Variants in PARVB observed in about 807,000 individuals in gnomAD.
PARVB encodes parvin beta.
In PARVB, 46 loss-of-function variants were observed where a neutral mutation model predicts 47.0. The observed-to-expected ratio is 0.98, with a 90% CI of 0.77 to 1.25. The LOEUF is 1.25. Ranked by LOEUF, PARVB falls within the 50% of genes most tolerant of loss-of-function variation. PARVB has a pLI of 0.00. For synonymous variants in PARVB, 196 were observed against 196.3 expected, an observed-to-expected ratio of 1.00 and a Z score of 0.01; for missense variants, 473 against 471.6, an observed-to-expected ratio of 1.00 and a Z score of -0.03.
chr22:44,077,088 T>C (rs562926055), intron 1 of PARVB, among the ~76,000 whole-genome samples: 1 of 152,318 alleles, frequency 6.6e-6, no homozygotes, highest in Non-Finnish European at 1.5e-5. Flanking sequence ...GGTGTGCTAG[T>C]GTCCTGGGGC....
chr22:44,006,160 G>T (rs1379319307), intron 2 of PARVB, among the ~76,000 whole-genome samples: 1 of 152,130 alleles, frequency 6.6e-6, no homozygotes, highest in Non-Finnish European at 1.5e-5. Flanking sequence ...TCCCAGGATG[G>T]TCTTGAACTT....
At chr22:44,031,322 T>C (rs1487651413) in intron 1 of PARVB, 1 of 152,248 alleles carries the variant, frequency 6.6e-6, no homozygotes, top group Non-Finnish European at 1.5e-5. Flanking sequence ...TACATTTCCT[T>C]TGATTATTAT....
chr22:44,123,902 CCCTGGCACAGTG>C (rs1255237862), intron 4 of PARVB, among the ~76,000 whole-genome samples: 1 of 152,220 alleles, frequency 6.6e-6, no homozygotes, highest in Non-Finnish European at 1.5e-5. Context: ...TGGATGGAGC[CCCTGGCACAGTG>C]CCTGGCACAG....
At chr22:44,112,946 G>C (rs1312110123) in intron 3 of PARVB, 1 of 89,334 alleles carries the variant, frequency 1.1e-5, no homozygotes, top group Non-Finnish European at 2.1e-5. Context: ...CACCAACACA[G>C]ATACGTTGTT....
chr22:44,100,738 C>G (rs2052423500), intron 3 of PARVB, among the ~76,000 whole-genome samples: 1 of 152,190 alleles, frequency 6.6e-6, no homozygotes, highest in African/African-American at 2.4e-5. Flanking sequence ...TGAGGCAGTG[C>G]TTGTGTGGGT....
chr22:44,071,200 G>C (rs1455445546), intron 1 of PARVB, among the ~76,000 whole-genome samples: 1 of 152,166 alleles, frequency 6.6e-6, no homozygotes. Context: ...GGTAGGAAAA[G>C]ACACCTGCTT....
intron 1 of PARVB, among the ~76,000 whole-genome samples, chr22:44,070,235 C>T (rs536500379): frequency 2.6e-4 from 40 of 152,170 alleles, no homozygotes; most frequent in Non-Finnish European, 4.3e-4. Flanking sequence ...CACCGCAGAT[C>T]GGAATGGGAG....
At position 44,168,818 on chromosome 22, in the gene PARVB, C is replaced by G. The variant is rs1241671290; in HGVS notation, c.*140C>G. On this transcript the variant is annotated 3_prime_UTR_variant, in exon 13 of 13. Transcript: ENST00000338758. ...ACTGTCATCCCCACCCCACCCCTAC[C>G]TCACGCCTGCCCCACCCCCTGCCTC... 1 of 615,586 alleles carries G rather than the reference C, an allele frequency of 1.6e-6. No individual in the cohort carries two copies. Among genetic ancestry groups the G allele is most frequent in the Non-Finnish European group, 2.9e-6 (1 of 340,276 alleles). The allele number at this position is 615,586 out of a possible 1,614,324, so 38.1% of individuals were successfully genotyped here.
rs753650169 is a variant in PARVB at position 44,089,782 on chromosome 22, G to A, written c.113-4146G>A. On this transcript the variant is annotated intron_variant, in intron 1 of 12. Transcript: ENST00000338758. This position sits in a 1 kb window ranked among gnomAD's most constrained non-coding sequence, Gnocchi z 4.0. ...TGCAAAATATAGCAAGGCCCAGAAG[G>A]GCATCCCTCAAACCTTCATGGGGTT... Among the ~76,000 whole-genome samples, 1 of 152,124 alleles carries A rather than the reference G, an allele frequency of 6.6e-6. No individual in the cohort carries two copies. Among genetic ancestry groups the A allele is most frequent in the Non-Finnish European group, 1.5e-5 (1 of 68,022 alleles).
intron 9 of PARVB, chr22:44,149,015 C>T (rs2053746641): frequency 6.6e-6 from 1 of 152,194 alleles, no homozygotes; most frequent in Non-Finnish European, 1.5e-5. Context: ...AGAACCGGTT[C>T]AGGGAATGAA....
intron 1 of PARVB, among the ~76,000 whole-genome samples, chr22:44,079,579 G>T (rs2051853542): frequency 6.6e-6 from 1 of 152,216 alleles, no homozygotes; most frequent in African/African-American, 2.4e-5. Context: ...AGCGGCTGCT[G>T]TGCTAAGCCA....
intron 2 of PARVB, among the ~76,000 whole-genome samples, chr22:44,008,415 A>G (rs974326795): frequency 6.6e-6 from 1 of 152,110 alleles, no homozygotes; most frequent in Admixed American, 6.6e-5. Flanking sequence ...CGGTCTAGAG[A>G]CAGGATTTTA....
upstream of PARVB, among the ~76,000 whole-genome samples, chr22:44,022,736 T>A (rs757052096): frequency 1.2e-4 from 16 of 134,308 alleles, no homozygotes; most frequent in Admixed American, 3.6e-4. Context: ...ACTTCTTTTT[T>A]TTTATTTTTT....
At chr22:44,148,304 C>T in intron 9 of PARVB, 1 of 313,952 alleles carries the variant, frequency 3.2e-6, no homozygotes, top group South Asian at 2.9e-5. Flanking sequence ...TGCGGCTGAG[C>T]TGTGCCATAC....
chr22:44,121,297 C>T (rs2147130814), intron 4 of PARVB, among the ~76,000 whole-genome samples: 1 of 152,270 alleles, frequency 6.6e-6, no homozygotes, highest in Middle Eastern at 3.4e-3. Context: ...CTACCATGCT[C>T]AGCCCTTCTT....
intron 8 of PARVB, chr22:44,147,586 A>G (rs1451578569): frequency 3.3e-6 from 2 of 610,802 alleles, no homozygotes; most frequent in Admixed American, 2.0e-5. Context: ...TATGTGTTTC[A>G]TATGAGAAGG....
intron 5 of PARVB, 114 bp downstream of exon 5, chr22:44,131,741 A>G (rs752423032): frequency 1.1e-4 from 133 of 1,218,548 alleles, no homozygotes; most frequent in Non-Finnish European, 1.5e-4. Context: ...CTTGCATCTT[A>G]AAATTGGGTT....
intron 1 of PARVB, among the ~76,000 whole-genome samples, chr22:44,053,282 C>T (rs2051245179): frequency 6.6e-6 from 1 of 152,070 alleles, no homozygotes; most frequent in African/African-American, 2.4e-5. Context: ...CAGGGTTTCA[C>T]CATGTTGGCC....
intron 10 of PARVB, among the ~76,000 whole-genome samples, chr22:44,154,864 G>A (rs2053890902): frequency 7.0e-6 from 1 of 143,638 alleles, no homozygotes; most frequent in African/African-American, 2.6e-5. Context: ...GTCTGTGGTG[G>A]GGGTGTGTGT....
Sources: gnomAD v4.1 joint callset for allele counts (sites outside exome capture counted in the v4.1 genomes callset) on GRCh38, gnomAD v4.1.1 for gene constraint, Gnocchi (gnomAD v3.1) non-coding constraint, MANE v1.5 for transcripts, NCBI Gene and HGNC (gene_info 2026-07-23, HGNC 2026-07-21) for gene names.